PCYOX1: variants seen among roughly 807,000 people sequenced by gnomAD.
PCYOX1 encodes prenylcysteine oxidase 1.
A neutral mutation model predicts 46.4 loss-of-function variants in PCYOX1; 46 were observed. The ratio of observed to expected loss-of-function variants is 0.99; its 90% CI spans 0.78 to 1.27. PCYOX1 has a LOEUF of 1.27. PCYOX1 is among the 50% of genes most tolerant of loss of function. PCYOX1 has a pLI of 0.00. For missense variants in PCYOX1, 658 were observed against 628.3 expected (o/e 1.05, Z -0.51); for synonymous variants, 220 against 231.8 (o/e 0.95, Z 0.46).
At chr2:70,265,109 C>T (rs867665893) in intron 3 of PCYOX1, among the ~76,000 whole-genome samples, 2 of 152,008 alleles carry the variant, frequency 1.3e-5, no homozygotes, top group Non-Finnish European at 2.9e-5. Flanking sequence ...GGAAATCCTG[C>T]AGCCCCTGAC....
At position 70,275,082 on chromosome 2, in the gene PCYOX1, C is replaced by T. The variant is rs186275811; in HGVS notation, c.618C>T (p.Ala206=). The T allele has an allele frequency of 2.7e-5, 43 of 1,614,066 alleles. No homozygotes were observed. The highest frequency in any genetic ancestry group is 1.8e-4 in the East Asian group (8 of 44,892). ...CACTTCTTGAAACCTTGCAAAAGGC[C>T]GGCTTTTCTGAGAAGTTCCTCAATG... is the stretch of plus-strand genomic sequence containing the variant. ...NRTLLETLQK[A]GFSEKFLNEM... is the part of the protein sequence containing the mutation. Residue 206 remains alanine (A), a synonymous_variant, in exon 4 of 6, where the codon GCC becomes GCT. Transcript: ENST00000433351.
chr2:70,270,858 T>G (rs975927542), intron 3 of PCYOX1, among the ~76,000 whole-genome samples: 1 of 151,994 alleles, frequency 6.6e-6, no homozygotes, highest in African/African-American at 2.4e-5. Context: ...CGGCTCACCT[T>G]GGCTCACTGT....
At chr2:70,261,984 G>T (rs914161987) in intron 3 of PCYOX1, among the ~76,000 whole-genome samples, 2 of 152,158 alleles carry the variant, frequency 1.3e-5, no homozygotes, top group African/African-American at 4.8e-5. Context: ...ACTGTTTTGG[G>T]TAGTGAGAAT....
Position 70,276,908 on chromosome 2 carries a change from C to T in PCYOX1, c.1034C>T (p.Thr345Ile). ...CATCAATATTATCAACATATAGTGA[C>T]AACTTTAGTTAAGGGGGAATTGAAT... ...EFHQYYQHIV[T>I]TLVKGELNTS... The change falls in exon 6 of 6, where the codon ACA becomes ATA. Residue 345 changes from threonine to isoleucine, a missense_variant. By Grantham distance (89) the Thr-to-Ile change is moderately conservative (BLOSUM62 -1). Coordinates refer to ENST00000433351, the MANE Select transcript of PCYOX1 (RefSeq NM_016297.4). 6.2e-7 allele frequency: 1 copy of T among 1,612,674 alleles called. No individual in the cohort carries two copies.
At position 70,258,294 on chromosome 2, in the gene PCYOX1, G is replaced by C. The variant is rs1396917376; in HGVS notation, c.112+18G>C. 1 of 1,527,032 alleles carries C rather than the reference G, an allele frequency of 6.5e-7. No individual in the cohort carries two copies. Among genetic ancestry groups the C allele is most frequent in the South Asian group, 1.2e-5 (1 of 85,328 alleles). The allele number at this position is 1,527,032 out of a possible 1,614,324, so 94.6% of individuals were successfully genotyped here. A position where few individuals can be genotyped will look rare whatever the true frequency, so the allele number is the denominator to read the frequency against. ...TAAAATCGGTAGGCGAGAAGGGGGC[G>C]GCGCGGGAAGGTGCTGGAGCGCGCC... On this transcript the variant is annotated intron_variant, in intron 1 of 5. Coordinates refer to ENST00000433351, the MANE Select transcript of PCYOX1 (RefSeq NM_016297.4).
At chr2:70,267,876 A>G (rs1048114696) in intron 3 of PCYOX1, among the ~76,000 whole-genome samples, 25 of 152,172 alleles carry the variant, frequency 1.6e-4, no homozygotes, top group African/African-American at 5.5e-4. Context: ...CAGTGGCACA[A>G]TCTTGGCTCA....
At chr2:70,271,995 C>T (rs2104897567) in intron 3 of PCYOX1, among the ~76,000 whole-genome samples, 2 of 152,236 alleles carry the variant, frequency 1.3e-5, no homozygotes, top group African/African-American at 4.8e-5. Context: ...TTTAGTTTTT[C>T]TTTTTTGTCA....
chr2:70,265,016 C>T (rs573686058), intron 3 of PCYOX1, among the ~76,000 whole-genome samples: 29 of 152,036 alleles, frequency 1.9e-4, no homozygotes, highest in Non-Finnish European at 4.1e-4. Context: ...AACCATGACA[C>T]TCGAAAGAGG....
intron 3 of PCYOX1, 89 bp downstream of exon 3, chr2:70,261,475 A>C: frequency 2.2e-6 from 2 of 916,286 alleles, no homozygotes; most frequent in Non-Finnish European, 3.4e-6. Flanking sequence ...ATTTCTTGTA[A>C]GCATTTTCTA....
chr2:70,259,592 A>G lies in PCYOX1; in HGVS notation c.319+26A>G, dbSNP rs754108265. 3.3e-6 allele frequency: 5 copies of G among 1,514,710 alleles called. No homozygotes were observed. In the South Asian group the frequency reaches 5.6e-5, roughly 17 times the overall value. The allele number at this position is 1,514,710 out of a possible 1,614,324, so 93.8% of individuals were successfully genotyped here. On this transcript the variant is annotated intron_variant, in intron 2 of 5. Coordinates refer to ENST00000433351, the MANE Select transcript of PCYOX1 (RefSeq NM_016297.4). ...GTATGTAATTTTGGTCTTGGAGCTC[A>G]CCAGATTACTGTGTGACATCCCCGG... is the stretch of plus-strand genomic sequence containing the variant.
intron 2 of PCYOX1, among the ~76,000 whole-genome samples, chr2:70,260,138 T>TGG (rs1467007430): frequency 1.3e-5 from 2 of 152,222 alleles, no homozygotes; most frequent in African/African-American, 4.8e-5. Context: ...CTTAAAATTC[T>TGG]GGGTTTGTGT....
chr2:70,276,633 A>G (rs940241176), intron 5 of PCYOX1, 101 bp from the exon 6 acceptor site: 30 of 719,474 alleles, frequency 4.2e-5, no homozygotes, highest in African/African-American at 3.6e-4. Flanking sequence ...AACTTCTTCA[A>G]TTCTTTAGAA....
chr2:70,259,276 G>T, intron 1 of PCYOX1, 84 bp from the exon 2 acceptor site: 1 of 1,227,458 alleles, frequency 8.1e-7, no homozygotes, highest in Non-Finnish European at 1.2e-6. Context: ...AACAACCTCT[G>T]CTATTGATGG....
At chr2:70,262,757 G>T (rs1696459607) in intron 3 of PCYOX1, among the ~76,000 whole-genome samples, 1 of 152,092 alleles carries the variant, frequency 6.6e-6, no homozygotes, top group African/African-American at 2.4e-5. Flanking sequence ...GGGATTGCAG[G>T]CATGAGCCAC....
intron 1 of PCYOX1, among the ~76,000 whole-genome samples, chr2:70,258,637 G>C (rs919095160): frequency 6.6e-6 from 1 of 152,244 alleles, no homozygotes; most frequent in Non-Finnish European, 1.5e-5. Context: ...GAAGACTCCA[G>C]TGTTCTGGCT....
intron 3 of PCYOX1, among the ~76,000 whole-genome samples, chr2:70,262,526 C>T (rs1490484631): frequency 9.1e-5 from 13 of 143,414 alleles, no homozygotes; most frequent in African/African-American, 3.4e-4. Flanking sequence ...GTCGCCCGGG[C>T]TGGAGTGCAG....
At position 70,275,508 on chromosome 2, in the gene PCYOX1, TG is replaced by T. The variant is rs752723663; in HGVS notation, c.707-5del. The T allele has an allele frequency of 6.2e-7, 1 of 1,612,782 alleles. No individual in the cohort carries two copies. Among genetic ancestry groups the T allele is most frequent in the Non-Finnish European group, 8.5e-7 (1 of 1,179,542 alleles). ...AATTAAAACACATTTTTCCTCCTAT[TG>T]ACAGGGGCGGTGTCACTGTCCTGTT... On this transcript the variant is annotated splice_region_variant and splice_polypyrimidine_tract_variant and intron_variant, in intron 4 of 5. Transcript: ENST00000433351.
In PCYOX1 at chr2:70,279,350, TCC is replaced by T. The variant is rs1249577621; in HGVS notation, c.*1959_*1960del. On this transcript the variant is annotated 3_prime_UTR_variant, in exon 6 of 6. Transcript: ENST00000433351. Reference sequence around the variant, plus strand: ...ATATGTTGAGGTATTCATATTTGTTTCCTTTTGTGGTTTTAATGAAGACAATT... The same window carrying T: ...ATATGTTGAGGTATTCATATTTGTTTTTTTGTGGTTTTAATGAAGACAATT... The T allele has an allele frequency of 2.0e-5, 3 of 152,270 alleles. No homozygotes were observed. Among genetic ancestry groups the T allele is most frequent in the Non-Finnish European group, 2.9e-5 (2 of 68,056 alleles). The allele number at this position is 152,270 out of a possible 1,614,324, so 9.4% of individuals were successfully genotyped here. A position where few individuals can be genotyped will look rare whatever the true frequency, so the allele number is the denominator to read the frequency against.
chr2:70,273,599 A>G (rs192871190), intron 3 of PCYOX1, among the ~76,000 whole-genome samples: 5 of 152,316 alleles, frequency 3.3e-5, no homozygotes, highest in Non-Finnish European at 7.4e-5. Flanking sequence ...TTATCTCTGC[A>G]TGTGCCTTAT....
Sources: allele counts gnomAD v4.1 joint callset (sites outside exome capture counted in the v4.1 genomes callset), GRCh38; gene constraint gnomAD v4.1.1; transcripts MANE v1.5; gene names NCBI Gene and HGNC (gene_info 2026-07-23, HGNC 2026-07-21).